Variants in EPHA6 observed in about 807,000 individuals in gnomAD.
The protein encoded by EPHA6 is ephrin type-A receptor 6.
Under a neutral mutation model 112.0 loss-of-function variants are expected in EPHA6, and 50 were observed. The ratio of observed to expected loss-of-function variants is 0.45; its 90% CI spans 0.36 to 0.56. The LOEUF (loss-of-function observed/expected upper bound fraction) is 0.56. Ranked by LOEUF, EPHA6 falls within the 20% of genes least tolerant of loss-of-function variation. EPHA6 has a pLI of 0.00. For missense variants in EPHA6, 1,280 were observed against 1,417.4 expected (o/e 0.90, Z 1.56); for synonymous variants, 529 against 490.7 (o/e 1.08, Z -1.03).
At chr3:97,620,236 C>T (rs1051451614) in intron 13 of EPHA6, among the ~76,000 whole-genome samples, 1 of 151,914 alleles carries the variant, frequency 6.6e-6, no homozygotes, top group Non-Finnish European at 1.5e-5. Flanking sequence ...TGAAACTGGA[C>T]CCTTTTCTTA....
At chr3:97,477,195 A>G (rs1266020763) in intron 8 of EPHA6, among the ~76,000 whole-genome samples, 1 of 152,144 alleles carries the variant, frequency 6.6e-6, no homozygotes, top group Non-Finnish European at 1.5e-5. Context: ...CTCTAAACCA[A>G]TTAACCATTA....
At chr3:97,398,631 A>C (rs535574548) in intron 5 of EPHA6, among the ~76,000 whole-genome samples, 1 of 151,482 alleles carries the variant, frequency 6.6e-6, no homozygotes, top group Non-Finnish European at 1.5e-5. Context: ...TGGTTGCTAC[A>C]TAAAGAACAT....
intron 3 of EPHA6, among the ~76,000 whole-genome samples, chr3:97,089,737 C>G (rs2047005843): frequency 6.6e-6 from 1 of 152,098 alleles, no homozygotes; most frequent in Admixed American, 6.6e-5. Context: ...GCAGAGCCAG[C>G]TTTCACCCTA....
intron 15 of EPHA6, among the ~76,000 whole-genome samples, chr3:97,722,268 G>A (rs935063044): frequency 6.6e-6 from 1 of 152,224 alleles, no homozygotes; most frequent in African/African-American, 2.4e-5. Context: ...AAGTACTACT[G>A]TACTAATATA....
chr3:97,537,707 T>G (rs986618370), intron 11 of EPHA6, among the ~76,000 whole-genome samples: 2 of 152,154 alleles, frequency 1.3e-5, no homozygotes, highest in African/African-American at 2.4e-5. Context: ...ACCTCCCAAG[T>G]AGCTGGGATC....
chr3:96,892,849 G>A (rs1297451857), intron 2 of EPHA6, among the ~76,000 whole-genome samples: 2 of 151,660 alleles, frequency 1.3e-5, no homozygotes, highest in African/African-American at 2.4e-5. Context: ...AGGTAAATAA[G>A]GATAAATTAT....
At chr3:97,249,966 G>A (rs1219270594) in intron 5 of EPHA6, among the ~76,000 whole-genome samples, 1 of 152,156 alleles carries the variant, frequency 6.6e-6, no homozygotes, top group Non-Finnish European at 1.5e-5. Flanking sequence ...TAGGTCCCAT[G>A]AGGAAGAACT....
intron 6 of EPHA6, among the ~76,000 whole-genome samples, chr3:97,434,300 T>G (rs916267321): frequency 6.6e-6 from 1 of 152,132 alleles, no homozygotes; most frequent in Admixed American, 6.6e-5. Flanking sequence ...TTAATTCATA[T>G]AGTAGCTTTG....
chr3:97,352,521 G>A (rs1331075056), intron 5 of EPHA6, among the ~76,000 whole-genome samples: 1 of 152,096 alleles, frequency 6.6e-6, no homozygotes, highest in Non-Finnish European at 1.5e-5. Context: ...GCTTTGCATT[G>A]GAACTCAGTG....
At chr3:97,087,661 G>C (rs1173543577) in intron 3 of EPHA6, among the ~76,000 whole-genome samples, 1 of 152,150 alleles carries the variant, frequency 6.6e-6, no homozygotes, top group Non-Finnish European at 1.5e-5. Context: ...AAAGTGGAAT[G>C]TGTTAACACC....
At position 97,389,481 on chromosome 3, in the gene EPHA6, A is replaced by G. The variant is rs182888700; in HGVS notation, c.1607-15669A>G. On this transcript the variant is annotated intron_variant, in intron 5 of 17. Transcript: ENST00000389672. ...ATTTATTTTTTGAAATTAATGTTAC[A>G]TTATATTTATTTTCATACCTACTAT... 2.6e-5 allele frequency among the ~76,000 whole-genome samples: 4 copies of G among 152,306 alleles called. No individual in the cohort carries two copies. In the East Asian group the frequency reaches 7.7e-4, roughly 29 times the overall value.
intron 5 of EPHA6, among the ~76,000 whole-genome samples, chr3:97,367,347 C>T (rs1223127607): frequency 6.6e-6 from 1 of 152,132 alleles, no homozygotes; most frequent in African/African-American, 2.4e-5. Flanking sequence ...GCCTATTCTG[C>T]AGCCGTATTG....
chr3:97,697,111 C>CTATT (rs2033093164), intron 14 of EPHA6, among the ~76,000 whole-genome samples: 1 of 152,134 alleles, frequency 6.6e-6, no homozygotes, highest in African/African-American at 2.4e-5. Flanking sequence ...CCCCGTGGTC[C>CTATT]TATTACAGCT....
At chr3:97,003,688 G>T (rs2107913594) in intron 3 of EPHA6, among the ~76,000 whole-genome samples, 1 of 151,980 alleles carries the variant, frequency 6.6e-6, no homozygotes, top group African/African-American at 2.4e-5. Flanking sequence ...AAAGAAAAGG[G>T]GGGATAAATG....
chr3:97,097,011 A>G (rs1457778777), intron 3 of EPHA6, among the ~76,000 whole-genome samples: 1 of 151,698 alleles, frequency 6.6e-6, no homozygotes, highest in Admixed American at 6.6e-5. Context: ...AAAAATTCAA[A>G]TTCCAAAACA....
At chr3:97,703,556 TCCA>T (rs2033515309) in intron 14 of EPHA6, among the ~76,000 whole-genome samples, 2 of 152,176 alleles carry the variant, frequency 1.3e-5, no homozygotes, top group African/African-American at 4.8e-5. Context: ...TATAAAGTTT[TCCA>T]GCCAACATTG....
intron 3 of EPHA6, among the ~76,000 whole-genome samples, chr3:97,167,819 T>G (rs2076578966): frequency 6.6e-6 from 1 of 151,978 alleles, no homozygotes; most frequent in Non-Finnish European, 1.5e-5. Flanking sequence ...TTTTCAAAAC[T>G]AATATTTGGA....
At chr3:97,710,100 G>A (rs1018973963) in intron 14 of EPHA6, among the ~76,000 whole-genome samples, 24 of 152,140 alleles carry the variant, frequency 1.6e-4, no homozygotes, top group African/African-American at 5.6e-4. Context: ...GGTATTTCCA[G>A]CTCTAGGTAC....
At chr3:97,250,229 A>T (rs2079096780) in intron 5 of EPHA6, among the ~76,000 whole-genome samples, 1 of 152,216 alleles carries the variant, frequency 6.6e-6, no homozygotes, top group Admixed American at 6.5e-5. Context: ...ATGTTCACTA[A>T]ATCCTCTGGT....
Sources: allele counts gnomAD v4.1 joint callset (sites outside exome capture counted in the v4.1 genomes callset), GRCh38; gene constraint gnomAD v4.1.1; transcripts MANE v1.5; gene names NCBI Gene and HGNC (gene_info 2026-07-23, HGNC 2026-07-21).